Variants in ERN1 observed in about 807,000 individuals in gnomAD.
The protein encoded by ERN1 is serine/threonine-protein kinase/endoribonuclease IRE1.
Under a neutral mutation model 113.1 loss-of-function variants are expected in ERN1, and 39 were observed. That is an observed-to-expected ratio of 0.34 (90% confidence interval 0.27 to 0.45). ERN1 has a LOEUF of 0.45. Ranked by LOEUF, ERN1 falls within the 20% of genes least tolerant of loss-of-function variation. ERN1 has a pLI of 1.00. For synonymous variants in ERN1, 507 were observed against 515.9 expected, an observed-to-expected ratio of 0.98 and a Z score of 0.23; for missense variants, 976 against 1,274.8, an observed-to-expected ratio of 0.77 and a Z score of 3.57.
Position 64,098,162 on chromosome 17 carries a change from A to C in ERN1, c.134T>G (p.Val45Gly). 1 of 1,614,020 alleles carries C rather than the reference A, an allele frequency of 6.2e-7. No homozygotes were observed. The highest frequency in any genetic ancestry group is 8.5e-7 in the Non-Finnish European group (1 of 1,179,894). The change falls in exon 2 of 22, where the codon GTC becomes GGC. Residue 45 changes from valine (V) to glycine (G), a missense_variant. Val to Gly is a moderately radical substitution (Grantham distance 109, BLOSUM62 -3). Coordinates refer to ENST00000433197, the MANE Select transcript of ERN1 (RefSeq NM_001433.5). ...VSTLDGSLHA[V>G]SKRTGSIKWT... ...TTTGATTGAGCCTGTCCTCTTGCTG[A>C]CAGCATGCAAACTTCCATCCAGCGT...
intron 1 of ERN1, among the ~76,000 whole-genome samples, chr17:64,120,840 C>G (rs1278819181): frequency 6.6e-6 from 1 of 152,178 alleles, no homozygotes; most frequent in Non-Finnish European, 1.5e-5. Flanking sequence ...ATAGCTGAAG[C>G]AATACCTCCC....
At chr17:64,098,514 G>C (rs750255472) in intron 1 of ERN1, 2 of 639,322 alleles carry the variant, frequency 3.1e-6, no homozygotes, top group South Asian at 2.8e-5. Context: ...AACCTCCACT[G>C]AAACAGAGGG....
At chr17:64,102,421 A>C (rs969091301) in intron 1 of ERN1, among the ~76,000 whole-genome samples, 2 of 152,238 alleles carry the variant, frequency 1.3e-5, no homozygotes, top group African/African-American at 2.4e-5. Flanking sequence ...GAAATGCCAC[A>C]AACTATTACA....
intron 1 of ERN1, among the ~76,000 whole-genome samples, chr17:64,119,158 T>C (rs1457307323): frequency 6.6e-6 from 1 of 151,952 alleles, no homozygotes; most frequent in Non-Finnish European, 1.5e-5. Flanking sequence ...TATAAATAAA[T>C]AAACAAGCAT....
At chr17:64,072,167 A>G in intron 5 of ERN1, 64 bp from the exon 6 acceptor site, 1 of 1,569,140 alleles carries the variant, frequency 6.4e-7, no homozygotes. Context: ...CTGCCAAACT[A>G]GCAGCCAAGA....
At chr17:64,096,605 T>A (rs147299540) in intron 2 of ERN1, among the ~76,000 whole-genome samples, 11 of 152,172 alleles carry the variant, frequency 7.2e-5, no homozygotes, top group Admixed American at 2.6e-4. Flanking sequence ...AACTGGTCCC[T>A]GATGCAAAAA....
At chr17:64,047,638 A>G (rs196922) in intron 19 of ERN1, among the ~76,000 whole-genome samples, 146,159 of 152,246 alleles carry the variant, frequency 0.96, 70,460 homozygotes, top group East Asian at 1. Context: ...AAGAAACTTA[A>G]AATATCATGT....
chr17:64,086,636 C>CTTTT (rs1913935030), intron 2 of ERN1, among the ~76,000 whole-genome samples: 1 of 64,598 alleles, frequency 1.5e-5, no homozygotes, highest in Admixed American at 2.0e-4. Flanking sequence ...TCTTTTCTTT[C>CTTTT]CTTTTTTTTT....
At chr17:64,052,577 A>C (rs1238714137) in intron 17 of ERN1, among the ~76,000 whole-genome samples, 2 of 152,222 alleles carry the variant, frequency 1.3e-5, no homozygotes, top group Non-Finnish European at 2.9e-5. Context: ...AGGGAAAAAA[A>C]ATAGATAATT....
chr17:64,052,940 A>G lies in ERN1; in HGVS notation c.2093T>C (p.Met698Thr). The G allele has an allele frequency of 1.2e-6, 2 of 1,613,640 alleles. No homozygotes were observed. Among genetic ancestry groups the G allele is most frequent in the Non-Finnish European group, 1.7e-6 (2 of 1,179,756 alleles). The stretch of plus-strand genomic sequence containing the variant: ...CTTGATCTTGCCGTGTGCATTGGGC[A>G]TGGATATGAGGATGTTGTGTGGCTT... ...DLKPHNILIS[M>T]PNAHGKIKAM... The change falls in exon 17 of 22, where the codon ATG becomes ACG. Residue 698 changes from methionine (M) to threonine (T), a missense_variant. Physicochemically the swap from Met to Thr is moderately conservative, Grantham distance 81. This residue lies in a region of ERN1 where 297 missense variants were observed against 457.8 expected (regional missense o/e 0.65). Coordinates refer to ENST00000433197, the MANE Select transcript of ERN1 (RefSeq NM_001433.5).
At chr17:64,105,938 C>G (rs1392092454) in intron 1 of ERN1, among the ~76,000 whole-genome samples, 1 of 142,974 alleles carries the variant, frequency 7.0e-6, no homozygotes, top group African/African-American at 2.6e-5. Flanking sequence ...CCAGCCTAGG[C>G]GACAAGAGCA....
In ERN1 at chr17:64,045,770, G is replaced by A. The variant is rs563028600; in HGVS notation, c.2530-288C>T. On this transcript the variant is annotated intron_variant, in intron 19 of 21. Coordinates refer to ENST00000433197, the MANE Select transcript of ERN1 (RefSeq NM_001433.5). ...CTGAATTTCACATGTGCACACACAC[G>A]CCATGTGTACGGAGCCGCAAGTGCA... is the stretch of plus-strand genomic sequence containing the variant. Among the ~76,000 whole-genome samples, 15 of 152,216 alleles carry A rather than the reference G, an allele frequency of 9.9e-5. No individual in the cohort carries two copies. The South Asian group carries it at 2.7e-3, about 27-fold the overall frequency.
Position 64,075,254 on chromosome 17 carries a change from A to AG in ERN1, c.283-8_283-7insC, listed in dbSNP as rs774401954. 2.9e-4 allele frequency: 434 copies of AG among 1,486,034 alleles called. No individual in the cohort carries two copies. The African/African-American group carries it at 6.1e-3, about 21-fold the overall frequency. 92.1% of individuals were successfully genotyped at this position (1,486,034 alleles called of 1,614,324 possible). On this transcript the variant is annotated splice_polypyrimidine_tract_variant and splice_region_variant and intron_variant, in intron 4 of 21. Coordinates refer to ENST00000433197, the MANE Select transcript of ERN1 (RefSeq NM_001433.5). ...GGATGGTAAAAGGAAGTTTCTTTAA[A>AG]AAAAAAAAAAAAGAAAAAAAAAAGT...
At chr17:64,121,776 T>C (rs10853047) in intron 1 of ERN1, among the ~76,000 whole-genome samples, 41,259 of 152,152 alleles carry the variant, frequency 0.27, 9,853 homozygotes, top group African/African-American at 0.65. Flanking sequence ...CGTGAGCCAC[T>C]GTGCCCAGCC....
At chr17:64,126,802 T>C (rs762791896) in intron 1 of ERN1, among the ~76,000 whole-genome samples, 3 of 152,046 alleles carry the variant, frequency 2.0e-5, no homozygotes, top group Non-Finnish European at 4.4e-5. Flanking sequence ...TTAAGACTCA[T>C]CTATCAGATT....
intron 12 of ERN1, among the ~76,000 whole-genome samples, chr17:64,057,597 T>C (rs1912913744): frequency 6.6e-6 from 1 of 152,164 alleles, no homozygotes; most frequent in Non-Finnish European, 1.5e-5. Flanking sequence ...CTTGATCTCC[T>C]GACCTTGTGA....
chr17:64,064,289 CA>C, intron 9 of ERN1, 138 bp from the exon 10 acceptor site: 4 of 943,696 alleles, frequency 4.2e-6, no homozygotes. Context: ...CACAAAGGCC[CA>C]AAGTCTGGGC....
intron 1 of ERN1, among the ~76,000 whole-genome samples, chr17:64,103,976 C>T (rs983114693): frequency 2.0e-5 from 3 of 152,016 alleles, no homozygotes; most frequent in African/African-American, 4.8e-5. Context: ...TGGTGACTCA[C>T]GCCTGTAATT....
At chr17:64,056,615 C>A (rs1269067729) in intron 12 of ERN1, among the ~76,000 whole-genome samples, 1 of 152,212 alleles carries the variant, frequency 6.6e-6, no homozygotes, top group East Asian at 1.9e-4. Context: ...TCTGAAGTAG[C>A]AGCGATCTGT....
Sources: allele counts gnomAD v4.1 joint callset (sites outside exome capture counted in the v4.1 genomes callset), GRCh38; gene constraint gnomAD v4.1.1; regional missense constraint gnomAD v4.1.1; transcripts MANE v1.5; gene names NCBI Gene and HGNC (gene_info 2026-07-23, HGNC 2026-07-21).